MTMR1: variants seen among roughly 807,000 people sequenced by gnomAD.
MTMR1 encodes phosphatidylinositol-3-phosphate phosphatase MTMR1.
A neutral mutation model predicts 51.6 loss-of-function variants in MTMR1; 17 were observed. The observed-to-expected ratio is 0.33, with a 90% CI of 0.23 to 0.49. The LOEUF (loss-of-function observed/expected upper bound fraction) is 0.49, where lower values mean the gene tolerates loss of function less well. Among genes scored for constraint, MTMR1 ranks in the 20% least tolerant of loss-of-function variants. The pLI is 0.99. For synonymous variants in MTMR1, 201 were observed against 205.6 expected, an observed-to-expected ratio of 0.98 and a Z score of 0.19; for missense variants, 386 against 526.9, an observed-to-expected ratio of 0.73 and a Z score of 2.62.
intron 4 of MTMR1, among the ~76,000 whole-genome samples, chrX:150,721,438 A>T (rs782216860): frequency 1.8e-5 from 2 of 111,800 alleles, no homozygotes; most frequent in South Asian, 7.4e-4. Context: ...GTTTTTAACT[A>T]CAAATTTAAT....
intron 14 of MTMR1, among the ~76,000 whole-genome samples, chrX:150,753,326 G>A (rs1466901820): frequency 1.8e-5 from 2 of 111,844 alleles, no homozygotes; most frequent in Non-Finnish European, 1.9e-5. Context: ...GTGGACATAC[G>A]CCTTCATTCA....
chrX:150,702,254 G>A (rs1234647770), intron 2 of MTMR1, among the ~76,000 whole-genome samples: 1 of 110,045 alleles, frequency 9.1e-6, no homozygotes, highest in Non-Finnish European at 1.9e-5. Flanking sequence ...TGACCCTTGG[G>A]TCTTCCCAAG....
At chrX:150,747,011 C>A (rs1007153034) in intron 13 of MTMR1, among the ~76,000 whole-genome samples, 11 of 111,836 alleles carry the variant, frequency 9.8e-5, no homozygotes, top group African/African-American at 3.6e-4. Context: ...ATGAACTAGT[C>A]TGTATGTGAA....
At chrX:150,750,337 C>T (rs1423266158) in intron 13 of MTMR1, among the ~76,000 whole-genome samples, 7 of 112,138 alleles carry the variant, frequency 6.2e-5, no homozygotes, top group Admixed American at 2.8e-4. Context: ...AGAGGGCTCC[C>T]CTCATTTGTT....
chrX:150,729,708 G>A (rs928996378), intron 6 of MTMR1, among the ~76,000 whole-genome samples: 1 of 112,273 alleles, frequency 8.9e-6, no homozygotes, highest in Non-Finnish European at 1.9e-5. Flanking sequence ...GAGAATGTAT[G>A]TATAGTCCTT....
intron 14 of MTMR1, among the ~76,000 whole-genome samples, chrX:150,751,479 G>A (rs2042728011): frequency 9.0e-6 from 1 of 111,381 alleles, no homozygotes; most frequent in African/African-American, 3.3e-5. Flanking sequence ...AAAGCAGTCT[G>A]TCAGTAACGC....
chrX:150,757,434 C>G (rs903219964), intron 15 of MTMR1, among the ~76,000 whole-genome samples: 2 of 112,831 alleles, frequency 1.8e-5, no homozygotes, highest in African/African-American at 6.4e-5. Context: ...AAATGCTTTT[C>G]TCCTCTGGAC....
chrX:150,753,057 G>T (rs1202244783), intron 14 of MTMR1, among the ~76,000 whole-genome samples: 1 of 111,670 alleles, frequency 9.0e-6, no homozygotes, highest in Non-Finnish European at 1.9e-5. Context: ...TGTCTCTACG[G>T]ATTTGCCAAT....
chrX:150,718,619 TGCCAGGC>T lies in MTMR1; in HGVS notation c.277-5_278del. 1 of 524,733 alleles carries T rather than the reference TGCCAGGC, an allele frequency of 1.9e-6. No individual in the cohort carries two copies. The highest frequency in any genetic ancestry group is 2.7e-6 in the Non-Finnish European group (1 of 369,653). 43.2% of individuals were successfully genotyped at this position (524,733 alleles called of 1,213,427 possible). A position where few individuals can be genotyped will look rare whatever the true frequency, so the allele number is the denominator to read the frequency against. On this transcript the variant is annotated splice_acceptor_variant and splice_polypyrimidine_tract_variant and coding_sequence_variant and intron_variant, in exon 4 of 16. Coordinates refer to ENST00000445323, the MANE Select transcript of MTMR1 (RefSeq NM_001306144.3). LOFTEE classifies it high-confidence loss of function. Reference sequence around the variant, plus strand: ...TTTTTTTTTTTTTTTTTTTTTTTTTTGCCAGGCTCTAAGGGATGGAAATAAGCTGGCA... The same window carrying T: ...TTTTTTTTTTTTTTTTTTTTTTTTTTTCTAAGGGATGGAAATAAGCTGGCA...
intron 12 of MTMR1, among the ~76,000 whole-genome samples, chrX:150,737,949 C>G (rs1330955505): frequency 9.0e-6 from 1 of 111,262 alleles, no homozygotes; most frequent in East Asian, 2.8e-4. Context: ...CGCCTGTAGT[C>G]CCAGCTACTG....
chrX:150,710,900 A>G (rs1379122827), intron 2 of MTMR1, among the ~76,000 whole-genome samples: 1 of 112,296 alleles, frequency 8.9e-6, no homozygotes, highest in Non-Finnish European at 1.9e-5. Context: ...TTTAAAGTTG[A>G]CAAATCAAGA....
chrX:150,749,975 G>A (rs2042678990), intron 13 of MTMR1, among the ~76,000 whole-genome samples: 1 of 110,863 alleles, frequency 9.0e-6, no homozygotes, highest in Non-Finnish European at 1.9e-5. Flanking sequence ...AAATTAGTCG[G>A]GCGTGGTGGT....
At chrX:150,731,925 G>A (rs2042129673) in intron 9 of MTMR1, among the ~76,000 whole-genome samples, 1 of 111,888 alleles carries the variant, frequency 8.9e-6, no homozygotes, top group Admixed American at 9.5e-5. Flanking sequence ...ATTACCAGTT[G>A]GCATTGCTGG....
rs782484907 is a variant in MTMR1 at position 150,755,742 on chromosome X, C to T, written c.1734C>T (p.Asp578=). Residue 578 remains aspartate, a synonymous_variant, in exon 15 of 16, where the codon GAC becomes GAT. Transcript: ENST00000445323. ...SLWSYINSQL[D]EFSNPFFVNY... is the part of the protein sequence containing the mutation. ...GGTCGTATATCAATAGCCAGCTAGA[C>T]GAGTTTTCTAATCCCTTCTTTGTGA... 3.1e-5 allele frequency: 37 copies of T among 1,203,870 alleles called. No individual in the cohort carries two copies. The highest frequency in any genetic ancestry group is 4.4e-5 in the Admixed American group (2 of 44,988).
chrX:150,755,624 G>T, intron 14 of MTMR1, 65 bp from the exon 15 acceptor site: 1 of 873,614 alleles, frequency 1.1e-6, no homozygotes, highest in South Asian at 2.6e-5. Context: ...CCTTTTCTCG[G>T]TGTAATACTA....
intron 15 of MTMR1, among the ~76,000 whole-genome samples, chrX:150,759,126 G>A (rs1315865084): frequency 2.7e-5 from 3 of 112,462 alleles, no homozygotes; most frequent in African/African-American, 9.7e-5. Flanking sequence ...CTGACTTCAG[G>A]TGCATTATTT....
intron 7 of MTMR1, 100 bp downstream of exon 7, chrX:150,730,310 C>CT (rs2042077904): frequency 6.8e-6 from 4 of 589,655 alleles, no homozygotes; most frequent in South Asian, 4.5e-5. Context: ...TTTTTCCTCT[C>CT]TTTTTTCCTC....
chrX:150,754,918 C>T (rs1418126308), intron 14 of MTMR1, among the ~76,000 whole-genome samples: 3 of 107,726 alleles, frequency 2.8e-5, no homozygotes, highest in African/African-American at 6.8e-5. Context: ...CCCAGCTACT[C>T]GGGAGGCTGA....
At chrX:150,720,752 G>A (rs1401230365) in intron 4 of MTMR1, among the ~76,000 whole-genome samples, 2 of 111,962 alleles carry the variant, frequency 1.8e-5, no homozygotes, top group Admixed American at 1.9e-4. Flanking sequence ...CCGTATATGA[G>A]CATTCCAGTT....
Sources: allele counts gnomAD v4.1 joint callset (sites outside exome capture counted in the v4.1 genomes callset), GRCh38; gene constraint gnomAD v4.1.1; transcripts MANE v1.5; gene names NCBI Gene and HGNC (gene_info 2026-07-23, HGNC 2026-07-21).